AXDND1: variants seen among roughly 807,000 people sequenced by gnomAD.
AXDND1 encodes axonemal dynein light chain domain containing 1.
AXDND1 carries 110 observed loss-of-function variants against 137.5 expected under a neutral mutation model. The observed-to-expected ratio is 0.80, with a 90% CI of 0.69 to 0.94. AXDND1 has a LOEUF of 0.94. AXDND1 is among the 40% of genes least tolerant of loss of function. The probability of loss-of-function intolerance (pLI) is 0.00; values close to 1 mark genes in which losing one functional copy is unlikely to be tolerated. For missense variants in AXDND1, 1,191 were observed against 1,169.8 expected, an observed-to-expected ratio of 1.02 and a Z score of -0.26; for synonymous variants, 414 against 399.7, an observed-to-expected ratio of 1.04 and a Z score of -0.43.
At chr1:179,535,100 A>C in intron 25 of AXDND1, 138 bp downstream of exon 25, 1 of 1,303,480 alleles carries the variant, frequency 7.7e-7, no homozygotes. Context: ...GAATGTGCAT[A>C]TTTTAATCAC....
chr1:179,533,428 A>C (rs917903333), intron 23 of AXDND1, among the ~76,000 whole-genome samples: 2 of 152,208 alleles, frequency 1.3e-5, no homozygotes, highest in East Asian at 3.8e-4. Flanking sequence ...TATACAAGTT[A>C]GCTTCCTTGA....
chr1:179,449,380 G>A (rs1053129341), intron 16 of AXDND1: 4 of 206,676 alleles, frequency 1.9e-5, no homozygotes, highest in Non-Finnish European at 3.0e-5. Context: ...TTCTACTCAT[G>A]TGTATGTTTG....
At chr1:179,366,776 T>G (rs1432389492) in intron 2 of AXDND1, among the ~76,000 whole-genome samples, 170 bp downstream of exon 2, 8 of 116,806 alleles carry the variant, frequency 6.8e-5, no homozygotes. Flanking sequence ...GTATTTTGAG[T>G]CAGAGTACTG....
intron 11 of AXDND1, among the ~76,000 whole-genome samples, chr1:179,399,527 A>G (rs936369502): frequency 2.0e-5 from 3 of 152,338 alleles, no homozygotes; most frequent in Non-Finnish European, 4.4e-5. Flanking sequence ...CAAGGATTTC[A>G]TGACCAAGAA....
intron 21 of AXDND1, among the ~76,000 whole-genome samples, chr1:179,523,979 G>A (rs955034003): frequency 3.3e-5 from 5 of 152,042 alleles, no homozygotes; most frequent in African/African-American, 1.2e-4. Flanking sequence ...TTCCATTCCT[G>A]AGTTACTTTA....
intron 16 of AXDND1, among the ~76,000 whole-genome samples, chr1:179,447,150 G>C (rs922585767): frequency 6.6e-6 from 1 of 152,074 alleles, no homozygotes; most frequent in African/African-American, 2.4e-5. Flanking sequence ...ATTGAATACA[G>C]GGGTATATTT....
At chr1:179,377,662 T>C (rs1332916781) in intron 4 of AXDND1, among the ~76,000 whole-genome samples, 1 of 152,174 alleles carries the variant, frequency 6.6e-6, no homozygotes, top group Non-Finnish European at 1.5e-5. Context: ...GTTGCAAATG[T>C]GATCAACCCT....
At chr1:179,515,691 C>A (rs902012534) in intron 21 of AXDND1, among the ~76,000 whole-genome samples, 12 of 152,070 alleles carry the variant, frequency 7.9e-5, no homozygotes, top group African/African-American at 2.7e-4. Context: ...GATTTCTTTT[C>A]TTCCTCAGGA....
intron 4 of AXDND1, among the ~76,000 whole-genome samples, chr1:179,374,734 CA>C (rs1415839272): frequency 6.7e-6 from 1 of 149,208 alleles, no homozygotes; most frequent in Non-Finnish European, 1.5e-5. Flanking sequence ...GACAGAAAAC[CA>C]AATACTGCAT....
At chr1:179,366,647 G>GT (rs1436618896) in intron 2 of AXDND1, 41 bp downstream of exon 2, 1 of 1,515,668 alleles carries the variant, frequency 6.6e-7, no homozygotes, top group African/African-American at 1.4e-5. Context: ...AGTCATGGCC[G>GT]TAAGACAGAA....
At chr1:179,534,466 A>G (rs544098130) in intron 24 of AXDND1, 15 of 301,270 alleles carry the variant, frequency 5.0e-5, no homozygotes, top group Non-Finnish European at 6.6e-5. Context: ...CCATTGATGG[A>G]GAATTCCAGA....
intron 15 of AXDND1, among the ~76,000 whole-genome samples, chr1:179,442,379 G>C (rs950803980): frequency 2.0e-5 from 3 of 152,146 alleles, no homozygotes; most frequent in Non-Finnish European, 4.4e-5. Flanking sequence ...TCCACGTGGA[G>C]AAAACTGAAG....
In AXDND1 at chr1:179,411,220, C is replaced by T. The variant is rs1653814551; in HGVS notation, c.1184C>T (p.Ala395Val). Reference sequence around the variant, plus strand: ...GAGAATGATATGAAAAAGTTAGTGGCAGAAAGAGATATCTGGAGCTCAGCC... The same window carrying T: ...GAGAATGATATGAAAAAGTTAGTGGTAGAAAGAGATATCTGGAGCTCAGCC... ...RMENDMKKLV[A>V]ERDIWSSATY... The change falls in exon 12 of 26, where the codon GCA (alanine) becomes GTA (valine). Residue 395 changes from alanine (A) to valine (V), a missense_variant. Coordinates refer to ENST00000367618, the MANE Select transcript of AXDND1 (RefSeq NM_144696.6). 1 of 1,612,388 alleles carries T rather than the reference C, an allele frequency of 6.2e-7. No individual in the cohort carries two copies. The highest frequency in any genetic ancestry group is 1.7e-5 in the Admixed American group (1 of 59,710).
At chr1:179,398,134 CT>C (rs1305221413) in intron 11 of AXDND1, among the ~76,000 whole-genome samples, 1 of 152,108 alleles carries the variant, frequency 6.6e-6, no homozygotes, top group Non-Finnish European at 1.5e-5. Context: ...TTTGTTTCAT[CT>C]TTGAAGTTGC....
chr1:179,373,781 A>T (rs1187398119), intron 4 of AXDND1, among the ~76,000 whole-genome samples: 4 of 152,216 alleles, frequency 2.6e-5, no homozygotes, highest in Admixed American at 6.5e-5. Flanking sequence ...CATATGTAGA[A>T]AGCTGAAACT....
Position 179,534,801 on chromosome 1 carries a change from T to G in AXDND1, c.2870T>G (p.Leu957Arg). 1 of 1,606,580 alleles carries G rather than the reference T, an allele frequency of 6.2e-7. No homozygotes were observed. The highest frequency in any genetic ancestry group is 2.2e-5 in the East Asian group (1 of 44,800). ...EDAYEKLHHT[L>R]IKNKDLEELV... ...GCATATGAGAAACTTCATCATACCC[T>G]TATAAAAAATAAAGATCTAGAGGAA... is the stretch of plus-strand genomic sequence containing the variant. Residue 957 changes from leucine (L) to arginine (R), a missense_variant, in exon 25 of 26, where the codon CTT becomes CGT. Coordinates refer to ENST00000367618, the MANE Select transcript of AXDND1 (RefSeq NM_144696.6).
intron 21 of AXDND1, among the ~76,000 whole-genome samples, chr1:179,518,481 A>G (rs905628252): frequency 6.6e-6 from 1 of 151,038 alleles, no homozygotes; most frequent in African/African-American, 2.4e-5. Flanking sequence ...AGATTATTTC[A>G]TCACCTAGGT....
rs1472956612 is a variant in AXDND1, at chr1:179,391,131, A to G, written c.864-2772A>G. Reference sequence around the variant, plus strand: ...TTCTTCTTTTTTTTTTTTTTTTCCTATATTGTTCATCTCACATATCTTTTG... The same window carrying G: ...TTCTTCTTTTTTTTTTTTTTTTCCTGTATTGTTCATCTCACATATCTTTTG... On this transcript the variant is annotated intron_variant, in intron 9 of 25. Transcript: ENST00000367618. Among the ~76,000 whole-genome samples, 9 of 141,786 alleles carry G rather than the reference A, an allele frequency of 6.3e-5. No individual in the cohort carries two copies. In the East Asian group the frequency reaches 1.0e-3, roughly 16 times the overall value. 93.0% of individuals were successfully genotyped at this position (141,786 alleles called of 152,430 possible).
chr1:179,410,378 A>G (rs10798675), intron 11 of AXDND1, among the ~76,000 whole-genome samples: 132,800 of 152,058 alleles, frequency 0.87, 58,101 homozygotes, highest in East Asian at 0.9. Context: ...CTACAGGCAC[A>G]CGCCACCACA....
Sources: gnomAD v4.1 joint callset for allele counts (sites outside exome capture counted in the v4.1 genomes callset) on GRCh38, gnomAD v4.1.1 for gene constraint, MANE v1.5 for transcripts, NCBI Gene and HGNC (gene_info 2026-07-23, HGNC 2026-07-21) for gene names.